The following RAB29 variants were observed in gnomAD, a reference collection of about 807,000 sequenced individuals.
The protein encoded by RAB29 is RAB29, member RAS oncogene family.
In RAB29, 13 loss-of-function variants were observed where a neutral mutation model predicts 25.5. The ratio of observed to expected loss-of-function variants is 0.51; its 90% CI spans 0.33 to 0.81. The LOEUF is 0.81. Ranked by LOEUF, RAB29 falls within the 30% of genes least tolerant of loss-of-function variation. The pLI is 0.02. For missense variants in RAB29, 201 were observed against 254.9 expected, an observed-to-expected ratio of 0.79 and a Z score of 1.44; for synonymous variants, 88 against 95.0, an observed-to-expected ratio of 0.93 and a Z score of 0.43.
intron 1 of RAB29, 49 bp from the exon 2 acceptor site, chr1:205,775,135 G>T (rs1655254465): frequency 1.2e-6 from 1 of 816,216 alleles, no homozygotes; most frequent in Non-Finnish European, 1.8e-6. Context: ...CAACCTATAC[G>T]CGCTTCCTCC....
At position 205,770,795 on chromosome 1, in the gene RAB29, G is replaced by A. The variant is rs147744090; in HGVS notation, c.438C>T (p.Asn146=). 56 of 1,614,094 alleles carry A rather than the reference G, an allele frequency of 3.5e-5. No homozygotes were observed. The highest frequency in any genetic ancestry group is 1.7e-4 in the African/African-American group (13 of 75,032). ...RDQIDRFSKE[N]GFTGWTETSV... ...ATGTTTCTGTCCAACCTGTGAAACC[G>A]TTCTCTTTACTGAACCGGTCAATCT... The change falls in exon 5 of 6, where the codon AAC becomes AAT. Residue 146 remains asparagine (N), a synonymous_variant. Coordinates refer to ENST00000367139, the MANE Select transcript of RAB29 (RefSeq NM_003929.3).
At position 205,770,287 on chromosome 1, in the gene RAB29, G is replaced by T; in HGVS notation, c.*55C>A. 6.9e-7 allele frequency: 1 copy of T among 1,455,156 alleles called. No homozygotes were observed. The highest frequency in any genetic ancestry group is 9.6e-7 in the Non-Finnish European group (1 of 1,037,146). 90.1% of individuals were successfully genotyped at this position (1,455,156 alleles called of 1,614,324 possible). A position where few individuals can be genotyped will look rare whatever the true frequency, so the allele number is the denominator to read the frequency against. ...TAAAATTGTCAGGTGGGCAACCAAA[G>T]GGAAGAGACTTAAAAGACCTCCCAG... On this transcript the variant is annotated 3_prime_UTR_variant, in exon 6 of 6. Transcript: ENST00000367139.
chr1:205,771,206 A>G (rs1040237733), intron 4 of RAB29: 10 of 495,174 alleles, frequency 2.0e-5, no homozygotes, highest in Non-Finnish European at 2.9e-5. Context: ...GGCTGAGGCA[A>G]GAGAATGGCG....
rs1571612213 is a variant in RAB29 at position 205,770,465 on chromosome 1, A to T, written c.501-12T>A. 5 of 1,607,220 alleles carry T rather than the reference A, an allele frequency of 3.1e-6. No homozygotes were observed. Among genetic ancestry groups the T allele is most frequent in the Non-Finnish European group, 4.3e-6 (5 of 1,173,892 alleles). On this transcript the variant is annotated splice_polypyrimidine_tract_variant and intron_variant, in intron 5 of 5. Coordinates refer to ENST00000367139, the MANE Select transcript of RAB29 (RefSeq NM_003929.3). ...TTTCAATGAGGACTCTAAAAGACAA[A>T]AAATAAGCCTGAGAAGCTTATTTTG...
Position 205,770,150 on chromosome 1 carries a change from G to A in RAB29, c.*192C>T, listed in dbSNP as rs116438301. 7 of 612,378 alleles carry A rather than the reference G, an allele frequency of 1.1e-5. No individual in the cohort carries two copies. The highest frequency in any genetic ancestry group is 9.7e-5 in the South Asian group (5 of 51,632). The allele number at this position is 612,378 out of a possible 1,614,324, so 37.9% of individuals were successfully genotyped here. A position where few individuals can be genotyped will look rare whatever the true frequency, so the allele number is the denominator to read the frequency against. ...GCACTAATGTGAGCCAGCAACATGT[G>A]AAAGGCTAATCCAGGAGATGCAGAA... On this transcript the variant is annotated 3_prime_UTR_variant, in exon 6 of 6. Transcript: ENST00000367139.
At chr1:205,772,857 AT>A (rs1655097143) in intron 2 of RAB29, among the ~76,000 whole-genome samples, 1 of 150,786 alleles carries the variant, frequency 6.6e-6, no homozygotes, top group Non-Finnish European at 1.5e-5. Context: ...TATGAAAACA[AT>A]TCTCATTCTC....
rs769693522 is a variant in RAB29 at position 205,774,883 on chromosome 1, T to C, written c.74A>G (p.Gln25Arg). 2 of 1,600,620 alleles carry C rather than the reference T, an allele frequency of 1.2e-6. No homozygotes were observed. The highest frequency in any genetic ancestry group is 4.6e-5 in the East Asian group (2 of 43,940). The change falls in exon 2 of 6, where the codon CAG becomes CGG. Residue 25 changes from glutamine (Q) to arginine (R), a missense_variant. Transcript: ENST00000367139. ...DAAVGKTSLV[Q>R]RYSQDSFSKH... ...GCTGAAGCTGTCCTGGGAATATCGCTGCACCAGCGACGTCTTGCCCACTGC... is the reference window on the plus strand; with the variant it reads ...GCTGAAGCTGTCCTGGGAATATCGCCGCACCAGCGACGTCTTGCCCACTGC...
Position 205,771,481 on chromosome 1 carries a change from C to G in RAB29, c.369G>C (p.Leu123Phe). 3 of 1,614,016 alleles carry G rather than the reference C, an allele frequency of 1.9e-6. No individual in the cohort carries two copies. In the Middle Eastern group the frequency reaches 5.0e-4, roughly 270 times the overall value. ...PNGEPVPCLL[L>F]ANKCDLSPWA... ...GAGATTGGCCACATACCTTGTTGGC[C>G]AAGAGCAGGCAGGGCACCGGCTCTC... Residue 123 changes from leucine (L) to phenylalanine (F), a missense_variant, in exon 4 of 6, where the codon TTG (leucine) becomes TTC (phenylalanine). Physicochemically the swap from Leu to Phe is conservative, Grantham distance 22. Transcript: ENST00000367139.
chr1:205,771,483 A>G lies in RAB29; in HGVS notation c.367T>C (p.Leu123=), dbSNP rs200445820. 5.1e-4 allele frequency: 819 copies of G among 1,614,120 alleles called. 1 individual carries two copies. Among genetic ancestry groups the G allele is most frequent in the Middle Eastern group, 2.8e-3 (17 of 5,988 alleles). The change falls in exon 4 of 6, where the codon TTG becomes CTG. Residue 123 remains leucine, a synonymous_variant. Coordinates refer to ENST00000367139, the MANE Select transcript of RAB29 (RefSeq NM_003929.3). The part of the protein sequence containing the change: ...PNGEPVPCLL[L]ANKCDLSPWA... ...GATTGGCCACATACCTTGTTGGCCA[A>G]GAGCAGGCAGGGCACCGGCTCTCCA... is the stretch of plus-strand genomic sequence containing the variant.
intron 2 of RAB29, 39 bp downstream of exon 2, chr1:205,774,794 C>CGCCAA: frequency 1.4e-6 from 2 of 1,419,272 alleles, no homozygotes; most frequent in East Asian, 2.5e-5. Flanking sequence ...TCGGGGCCTC[C>CGCCAA]TCCTCCCCCT....
At chr1:205,774,517 A>C (rs1655198104) in intron 2 of RAB29, among the ~76,000 whole-genome samples, 1 of 152,232 alleles carries the variant, frequency 6.6e-6, no homozygotes, top group African/African-American at 2.4e-5. Context: ...TGGAGACTTA[A>C]GTTCACAGTA....
chr1:205,771,638 G>A lies in RAB29; in HGVS notation c.212C>T (p.Thr71Ile), dbSNP rs776021727. Residue 71 changes from threonine to isoleucine, a missense_variant, in exon 4 of 6, where the codon ACC becomes ATC. Thr to Ile is a moderately conservative substitution (Grantham distance 89, BLOSUM62 -1). Transcript: ENST00000367139. The part of the protein sequence containing the change: ...LWDIAGQERF[T>I]SMTRLYYRDA... The stretch of plus-strand genomic sequence containing the variant: ...CCGATAATACAATCGTGTCATAGAG[G>A]TGAAGCGCTCCTGCCCTGGGGAGAA... 3.1e-6 allele frequency: 5 copies of A among 1,614,022 alleles called. No homozygotes were observed. Among genetic ancestry groups the A allele is most frequent in the Non-Finnish European group, 4.2e-6 (5 of 1,179,982 alleles).
chr1:205,775,137 G>C lies in RAB29; in HGVS notation c.-130-51C>G. ...GAAACTTTGCACTCAACCTATACGC[G>C]CTTCCTCCCCGGGCGGCCGCAACCT... On this transcript the variant is annotated intron_variant, in intron 1 of 5. Coordinates refer to ENST00000367139, the MANE Select transcript of RAB29 (RefSeq NM_003929.3). The C allele has an allele frequency of 3.7e-6, 3 of 802,016 alleles. No individual in the cohort carries two copies. In the South Asian group the frequency reaches 6.4e-5, roughly 17 times the overall value. 49.7% of individuals were successfully genotyped at this position (802,016 alleles called of 1,614,324 possible).
chr1:205,771,629 G>A lies in RAB29; in HGVS notation c.221C>T (p.Thr74Ile). 6.2e-7 allele frequency: 1 copy of A among 1,614,142 alleles called. No homozygotes were observed. The highest frequency in any genetic ancestry group is 8.5e-7 in the Non-Finnish European group (1 of 1,180,002). ...AGAGGCATCCCGATAATACAATCGT[G>A]TCATAGAGGTGAAGCGCTCCTGCCC... ...IAGQERFTSM[T>I]RLYYRDASAC... Residue 74 changes from threonine to isoleucine, a missense_variant, in exon 4 of 6, where the codon ACA (threonine) becomes ATA (isoleucine). Coordinates refer to ENST00000367139, the MANE Select transcript of RAB29 (RefSeq NM_003929.3).
At position 205,768,569 on chromosome 1, in the gene RAB29, T is replaced by C. The variant is rs1373466011; in HGVS notation, c.*1773A>G. On this transcript the variant is annotated 3_prime_UTR_variant, in exon 6 of 6. Transcript: ENST00000367139. ...TTTTTTGGAGATGGAGTTTCACTCTTGTTGCCCAGGCTGAAGCGCAATGGT... is the reference window on the plus strand; with the variant it reads ...TTTTTTGGAGATGGAGTTTCACTCTCGTTGCCCAGGCTGAAGCGCAATGGT... 1 of 151,924 alleles carries C rather than the reference T, an allele frequency of 6.6e-6. No individual in the cohort carries two copies. Among genetic ancestry groups the C allele is most frequent in the African/African-American group, 2.4e-5 (1 of 41,344 alleles). The allele number at this position is 151,924 out of a possible 1,614,324, so 9.4% of individuals were successfully genotyped here.
In RAB29 at chr1:205,775,222, C is replaced by T. The variant is rs1372762213; in HGVS notation, c.-131+51G>A. 4 of 422,274 alleles carry T rather than the reference C, an allele frequency of 9.5e-6. No homozygotes were observed. In the Admixed American group the frequency reaches 1.2e-4, roughly 12 times the overall value. The allele number at this position is 422,274 out of a possible 1,614,324, so 26.2% of individuals were successfully genotyped here. On this transcript the variant is annotated intron_variant, in intron 1 of 5. Coordinates refer to ENST00000367139, the MANE Select transcript of RAB29 (RefSeq NM_003929.3). The stretch of plus-strand genomic sequence containing the variant: ...GCTGTTCGCACCTTCCCCACCCCCT[C>T]CTGGCCTGACTGCCGAGAAACTGGA...
At chr1:205,774,764 T>A in intron 2 of RAB29, 69 bp downstream of exon 2, 4 of 1,506,148 alleles carry the variant, frequency 2.7e-6, no homozygotes, top group Non-Finnish European at 3.6e-6. Flanking sequence ...CCCACTTGGG[T>A]CCCCAGCTCG....
chr1:205,774,813 C>A lies in RAB29; in HGVS notation c.124+20G>T, dbSNP rs1168252229. The A allele has an allele frequency of 3.2e-6, 5 of 1,560,246 alleles. No homozygotes were observed. Among genetic ancestry groups the A allele is most frequent in the Non-Finnish European group, 4.4e-6 (5 of 1,148,186 alleles). The stretch of plus-strand genomic sequence containing the variant: ...GGCCTCCTCCTCCCCCTCCCCCTCC[C>A]CACCCCCGAGACGTCTCACCTCCCA... On this transcript the variant is annotated intron_variant, in intron 2 of 5. Transcript: ENST00000367139.
At chr1:205,770,640 T>C (rs1654941025) in intron 5 of RAB29, 93 bp downstream of exon 5, 2 of 1,574,108 alleles carry the variant, frequency 1.3e-6, no homozygotes, top group Non-Finnish European at 1.7e-6. Context: ...TGGCTCAGTC[T>C]GTCATTGTTG....
Sources: allele counts gnomAD v4.1 joint callset (sites outside exome capture counted in the v4.1 genomes callset), GRCh38; gene constraint gnomAD v4.1.1; transcripts MANE v1.5; gene names NCBI Gene and HGNC (gene_info 2026-07-23, HGNC 2026-07-21).